The following MMP16 variants were observed in gnomAD, a reference collection of about 807,000 sequenced individuals.
MMP16 encodes matrix metallopeptidase 16.
In MMP16, 12 loss-of-function variants were observed where a neutral mutation model predicts 67.8. The observed-to-expected ratio is 0.18, with a 90% confidence interval of 0.11 to 0.29. MMP16 has a LOEUF of 0.29. Among genes scored for constraint, MMP16 ranks in the 10% least tolerant of loss-of-function variants. The probability of loss-of-function intolerance (pLI) is 1.00; values close to 1 mark genes in which losing one functional copy is unlikely to be tolerated. For synonymous variants in MMP16, 249 were observed against 255.9 expected (o/e 0.97, Z 0.26); for missense variants, 475 against 765.7 (o/e 0.62, Z 4.48).
chr8:88,075,495 C>A (rs1808632106), intron 6 of MMP16, among the ~76,000 whole-genome samples: 1 of 151,998 alleles, frequency 6.6e-6, no homozygotes, highest in Non-Finnish European at 1.5e-5. Flanking sequence ...GGCCTACACA[C>A]AATATGTTTC....
At position 88,197,210 on chromosome 8, in the gene MMP16, G is replaced by T; in HGVS notation, c.229C>A (p.Gln77Lys). The part of the protein sequence containing the change: ...ETMQSALAAM[Q>K]QFYGINMTGK... ...GTCATGTTAATGCCATAGAACTGCT[G>T]CATGGCAGCTAGGGCAGACTGCATG... is the stretch of plus-strand genomic sequence containing the variant. The change falls in exon 2 of 10, where the codon CAG becomes AAG. Residue 77 changes from glutamine (Q) to lysine (K), a missense_variant. By Grantham distance (53) the Gln-to-Lys change is moderately conservative. This residue lies in a region of MMP16 where 170 missense variants were observed against 239.6 expected (regional missense o/e 0.71). Coordinates refer to ENST00000286614, the MANE Select transcript of MMP16 (RefSeq NM_005941.5). The T allele has an allele frequency of 6.2e-7, 1 of 1,612,412 alleles. No homozygotes were observed. Among genetic ancestry groups the T allele is most frequent in the East Asian group, 2.2e-5 (1 of 44,754 alleles).
At chr8:88,207,360 G>T (rs1193978269) in intron 1 of MMP16, among the ~76,000 whole-genome samples, 1 of 152,120 alleles carries the variant, frequency 6.6e-6, no homozygotes, top group East Asian at 1.9e-4. Flanking sequence ...CCCAAATGTT[G>T]TATCTGCTGA....
intron 1 of MMP16, among the ~76,000 whole-genome samples, chr8:88,245,010 G>A (rs1346396812): frequency 1.3e-5 from 2 of 151,982 alleles, no homozygotes; most frequent in Admixed American, 6.6e-5. Flanking sequence ...GTAGGGGCAG[G>A]TGGTTAAGGC....
chr8:88,284,579 T>G (rs771157125), intron 1 of MMP16, among the ~76,000 whole-genome samples: 10 of 151,872 alleles, frequency 6.6e-5, no homozygotes, highest in Middle Eastern at 3.4e-3. Context: ...TTAAAACCAG[T>G]GTGAATACCA....
intron 6 of MMP16, among the ~76,000 whole-genome samples, chr8:88,115,286 C>G (rs1234246332): frequency 6.6e-6 from 1 of 151,960 alleles, no homozygotes; most frequent in Admixed American, 6.6e-5. Flanking sequence ...CAATGAGTAA[C>G]AATATGAGTA....
At chr8:88,145,803 G>A (rs1190752226) in intron 4 of MMP16, among the ~76,000 whole-genome samples, 1 of 151,878 alleles carries the variant, frequency 6.6e-6, no homozygotes, top group African/African-American at 2.4e-5. Context: ...CTCAACTGAG[G>A]ATGATTTTAC....
At chr8:88,250,415 G>A (rs1326864963) in intron 1 of MMP16, among the ~76,000 whole-genome samples, 1 of 151,914 alleles carries the variant, frequency 6.6e-6, no homozygotes, top group Non-Finnish European at 1.5e-5. Context: ...ATTAAATAAA[G>A]GCCTGAAAAT....
intron 1 of MMP16, among the ~76,000 whole-genome samples, chr8:88,309,848 T>C (rs1246480992): frequency 6.6e-6 from 1 of 152,140 alleles, no homozygotes; most frequent in Non-Finnish European, 1.5e-5. Flanking sequence ...TTCATTATTG[T>C]GACTGTTAAA....
chr8:88,248,476 A>C (rs1464279), intron 1 of MMP16, among the ~76,000 whole-genome samples: 146,955 of 152,136 alleles, frequency 0.97, 71,197 homozygotes, highest in East Asian at 1. Flanking sequence ...AAAAAAGTTT[A>C]AGAGATGTAG....
chr8:88,272,760 G>A (rs149566678), intron 1 of MMP16, among the ~76,000 whole-genome samples: 2 of 152,272 alleles, frequency 1.3e-5, no homozygotes, highest in Admixed American at 6.5e-5. Flanking sequence ...AGTGAACATT[G>A]ATCGCTAGTG....
intron 9 of MMP16, among the ~76,000 whole-genome samples, chr8:88,042,014 T>C (rs1808139771): frequency 6.6e-6 from 1 of 152,120 alleles, no homozygotes; most frequent in East Asian, 1.9e-4. Context: ...GAAAGCTCAG[T>C]CCAGAGAGAG....
At chr8:88,237,611 A>G (rs1271208701) in intron 1 of MMP16, among the ~76,000 whole-genome samples, 1 of 151,842 alleles carries the variant, frequency 6.6e-6, no homozygotes, top group East Asian at 1.9e-4. Flanking sequence ...ATCGCGCCAC[A>G]GCACTCCAGC....
chr8:88,294,243 T>C (rs905112471), intron 1 of MMP16, among the ~76,000 whole-genome samples: 2 of 150,816 alleles, frequency 1.3e-5, no homozygotes, highest in African/African-American at 4.9e-5. Context: ...CACATATATA[T>C]ACACATATAT....
rs146829013 is a variant in MMP16 at position 88,099,589 on chromosome 8, T to C, written c.1083+16918A>G. ...TCCTTATTTGACTAGAAATTTATAG[T>C]CCAATAACTGAAATTCTCATCAAGG... On this transcript the variant is annotated intron_variant, in intron 6 of 9. Transcript: ENST00000286614. 2.0e-5 allele frequency among the ~76,000 whole-genome samples: 3 copies of C among 151,924 alleles called. No homozygotes were observed. In the East Asian group the frequency reaches 5.9e-4, roughly 30 times the overall value.
chr8:88,227,206 GA>G (rs954410888), intron 1 of MMP16, among the ~76,000 whole-genome samples: 2 of 151,930 alleles, frequency 1.3e-5, no homozygotes, highest in African/African-American at 2.4e-5. Flanking sequence ...ATCTTGGGGG[GA>G]AAGGAAAATA....
At position 88,037,574 on chromosome 8, in the gene MMP16, C is replaced by A. The variant is rs1182960808; in HGVS notation, c.*3887G>T. The A allele has an allele frequency of 1.3e-5, 2 of 151,848 alleles. No homozygotes were observed. Among genetic ancestry groups the A allele is most frequent in the East Asian group, 3.9e-4 (2 of 5,164 alleles). 9.4% of individuals were successfully genotyped at this position (151,848 alleles called of 1,614,324 possible). On this transcript the variant is annotated 3_prime_UTR_variant, in exon 10 of 10. Transcript: ENST00000286614. Reference sequence around the variant, plus strand: ...AATGCTGTCTAATTTAGCTCTATAACCTTTGCAATCAGAAAGAGCATCTGT... The same window carrying A: ...AATGCTGTCTAATTTAGCTCTATAAACTTTGCAATCAGAAAGAGCATCTGT...
intron 1 of MMP16, among the ~76,000 whole-genome samples, chr8:88,290,993 A>T (rs778940487): frequency 1.3e-5 from 2 of 152,162 alleles, no homozygotes; most frequent in Non-Finnish European, 2.9e-5. Flanking sequence ...TCAAATAAAA[A>T]ATAAGGGCCA....
chr8:88,289,620 G>C (rs1482079085), intron 1 of MMP16, among the ~76,000 whole-genome samples: 2 of 151,566 alleles, frequency 1.3e-5, no homozygotes, highest in East Asian at 3.9e-4. Context: ...CATTATATGT[G>C]ATGGTTACAT....
At chr8:88,242,090 A>G (rs2129903236) in intron 1 of MMP16, among the ~76,000 whole-genome samples, 1 of 152,318 alleles carries the variant, frequency 6.6e-6, no homozygotes, top group East Asian at 1.9e-4. Flanking sequence ...GGCAACATAC[A>G]TAATATTTTA....
Sources: gnomAD v4.1 joint callset for allele counts (sites outside exome capture counted in the v4.1 genomes callset) on GRCh38, gnomAD v4.1.1 for gene constraint, gnomAD v4.1.1 regional missense constraint, MANE v1.5 for transcripts, NCBI Gene and HGNC (gene_info 2026-07-23, HGNC 2026-07-21) for gene names.